The following ADAMTSL1 variants were observed in gnomAD, a reference collection of about 807,000 sequenced individuals.
ADAMTSL1 encodes the protein ADAMTS-like protein 1.
Under a neutral mutation model 201.8 loss-of-function variants are expected in ADAMTSL1, and 126 were observed. The ratio of observed to expected loss-of-function variants is 0.62; its 90% confidence interval spans 0.54 to 0.72. The LOEUF is 0.72. Ranked by LOEUF, ADAMTSL1 falls within the 30% of genes least tolerant of loss-of-function variation. The pLI, the probability that ADAMTSL1 is intolerant of heterozygous loss-of-function variation, is 0.00. For synonymous variants in ADAMTSL1, 1,121 were observed against 903.4 expected, an observed-to-expected ratio of 1.24 and a Z score of -4.32; for missense variants, 2,679 against 2,277.8, an observed-to-expected ratio of 1.18 and a Z score of -3.59.
chr9:18,802,138 T>C (rs1157117840), intron 20 of ADAMTSL1, among the ~76,000 whole-genome samples: 1 of 152,120 alleles, frequency 6.6e-6, no homozygotes, highest in East Asian at 1.9e-4. Context: ...AACACAGGTG[T>C]GGTGGCACAT....
At chr9:18,253,155 C>A (rs1011113768) in intron 2 of ADAMTSL1, among the ~76,000 whole-genome samples, 3 of 152,058 alleles carry the variant, frequency 2.0e-5, no homozygotes, top group African/African-American at 4.8e-5. Flanking sequence ...ATGTATGGTA[C>A]TATCTCATTT....
intron 13 of ADAMTSL1, chr9:18,706,523 G>A: frequency 3.9e-6 from 2 of 512,956 alleles, no homozygotes; most frequent in South Asian, 6.1e-5. Context: ...ATGTCTTGCA[G>A]CTGGGAGTTC....
chr9:18,100,946 T>A (rs1023412456), intron 1 of ADAMTSL1, among the ~76,000 whole-genome samples: 2 of 152,232 alleles, frequency 1.3e-5, no homozygotes, highest in African/African-American at 4.8e-5. Context: ...ATACAAACAT[T>A]AATACCTTTC....
intron 2 of ADAMTSL1, among the ~76,000 whole-genome samples, chr9:18,177,464 G>A (rs1053183965): frequency 2.6e-5 from 4 of 152,154 alleles, no homozygotes; most frequent in Admixed American, 6.5e-5. Flanking sequence ...CCAGACAGTG[G>A]CGTGAAAATA....
chr9:18,655,910 A>C (rs889007765), intron 7 of ADAMTSL1, among the ~76,000 whole-genome samples: 1 of 151,850 alleles, frequency 6.6e-6, no homozygotes, highest in Non-Finnish European at 1.5e-5. Flanking sequence ...CTGACACATA[A>C]AAATGAGAAA....
In ADAMTSL1 at chr9:18,707,033, G is replaced by C; in HGVS notation, c.1861G>C (p.Glu621Gln). The C allele has an allele frequency of 6.2e-7, 1 of 1,613,314 alleles. No homozygotes were observed. Among genetic ancestry groups the C allele is most frequent in the Non-Finnish European group, 8.5e-7 (1 of 1,179,472 alleles). Residue 621 changes from glutamate (E) to glutamine (Q), a missense_variant, in exon 14 of 29, where the codon GAG becomes CAG. Glu to Gln is a conservative substitution (Grantham distance 29, BLOSUM62 2). Transcript: ENST00000380548. ...GTATGAGGGGTTCACCAAGTGCTCC[G>C]AGTCCTGTGGAGGAGGTAAGAAAGG... ...WEYEGFTKCS[E>Q]SCGGGVQEAV...
At chr9:18,492,722 A>G (rs1254212134) in intron 1 of ADAMTSL1, among the ~76,000 whole-genome samples, 3 of 152,232 alleles carry the variant, frequency 2.0e-5, no homozygotes, top group Non-Finnish European at 4.4e-5. Flanking sequence ...AATGAAATAG[A>G]CTAATTTAGA....
intron 13 of ADAMTSL1, chr9:18,685,094 G>C: frequency 1.5e-6 from 1 of 649,042 alleles, no homozygotes; most frequent in African/African-American, 1.9e-5. Context: ...AGGTGAGAAG[G>C]CCCAGGCTGC....
At position 18,123,502 on chromosome 9, in the gene ADAMTSL1, TATA is replaced by T. The variant is rs1223377251; in HGVS notation, c.88-40355_88-40353del. 7.9e-5 allele frequency among the ~76,000 whole-genome samples: 12 copies of T among 152,336 alleles called. No homozygotes were observed. The South Asian group carries it at 2.1e-3, about 26-fold the overall frequency. On this transcript the variant is annotated intron_variant, in intron 1 of 29. Transcript: ENST00000680146. ...TGGAAGTAGTCTAGTTTTCTGATTG[TATA>T]ATAACAATGTAATATATATTGTCTT... is the stretch of plus-strand genomic sequence containing the variant.
intron 7 of ADAMTSL1, among the ~76,000 whole-genome samples, chr9:18,642,035 T>C (rs556170991): frequency 6.6e-6 from 1 of 152,094 alleles, no homozygotes; most frequent in Non-Finnish European, 1.5e-5. Context: ...CAAAATAGCA[T>C]CATCCTTGAG....
chr9:18,214,594 AG>A (rs1829996923), intron 2 of ADAMTSL1, among the ~76,000 whole-genome samples: 2 of 152,244 alleles, frequency 1.3e-5, no homozygotes, highest in African/African-American at 4.8e-5. Flanking sequence ...AGTTCCACAA[AG>A]AAAGAATTGA....
chr9:18,078,639 T>TG (rs202017183), intron 1 of ADAMTSL1, among the ~76,000 whole-genome samples: 52 of 152,240 alleles, frequency 3.4e-4, no homozygotes, highest in African/African-American at 1.2e-3. Context: ...AGTATTTTTG[T>TG]GGTTTTTTCT....
intron 4 of ADAMTSL1, among the ~76,000 whole-genome samples, chr9:18,620,422 G>T (rs567585948): frequency 2.0e-5 from 3 of 152,164 alleles, no homozygotes; most frequent in African/African-American, 7.2e-5. Flanking sequence ...CCCATAGCAG[G>T]TCCTCAATAA....
chr9:18,074,879 T>C (rs142915295), intron 1 of ADAMTSL1, among the ~76,000 whole-genome samples: 1,563 of 152,286 alleles, frequency 0.01, 23 homozygotes, highest in African/African-American at 0.036. Context: ...GCGTGAGCCA[T>C]GGTGCCCAGC....
intron 2 of ADAMTSL1, among the ~76,000 whole-genome samples, chr9:18,412,555 T>C (rs1020743869): frequency 6.6e-6 from 1 of 152,228 alleles, no homozygotes; most frequent in Non-Finnish European, 1.5e-5. Context: ...TTTCCTTTAT[T>C]TGTCAACTTT....
At chr9:18,172,085 A>C (rs1416179390) in intron 2 of ADAMTSL1, among the ~76,000 whole-genome samples, 1 of 144,912 alleles carries the variant, frequency 6.9e-6, no homozygotes, top group Non-Finnish European at 1.5e-5. Flanking sequence ...CAACGAGAAC[A>C]CATGGACACA....
chr9:18,880,921 T>TA (rs1828488273), intron 23 of ADAMTSL1, among the ~76,000 whole-genome samples: 1 of 152,234 alleles, frequency 6.6e-6, no homozygotes, highest in Non-Finnish European at 1.5e-5. Flanking sequence ...ATTTTCTGGA[T>TA]AACTTGCTGC....
rs534730047 is a variant in ADAMTSL1, at chr9:18,212,303, C to T, written c.207+48322C>T. ...ATTGACGTGTTTATGAACTTTATGA[C>T]CATGTTTGACCTCCTGGGCCAATGT... On this transcript the variant is annotated intron_variant, in intron 2 of 29. Transcript: ENST00000680146. 2.0e-5 allele frequency among the ~76,000 whole-genome samples: 3 copies of T among 152,212 alleles called. No individual in the cohort carries two copies. In the East Asian group the frequency reaches 5.8e-4, roughly 29 times the overall value.
intron 1 of ADAMTSL1, among the ~76,000 whole-genome samples, chr9:18,071,459 CAGTTA>C (rs1268080966): frequency 5.3e-5 from 8 of 152,166 alleles, no homozygotes; most frequent in Non-Finnish European, 1.2e-4. Flanking sequence ...GTTCAGAATT[CAGTTA>C]AAAGATTAGT....
Sources: gnomAD v4.1 joint callset for allele counts (sites outside exome capture counted in the v4.1 genomes callset) on GRCh38, gnomAD v4.1.1 for gene constraint, MANE v1.5 for transcripts, NCBI Gene and HGNC (gene_info 2026-07-23, HGNC 2026-07-21) for gene names.